TRPC4: variants seen among roughly 807,000 people sequenced by gnomAD.
The protein encoded by TRPC4 is short transient receptor potential channel 4.
In TRPC4, 49 loss-of-function variants were observed where a neutral mutation model predicts 99.4. That is an observed-to-expected ratio of 0.49 (90% CI 0.39 to 0.63). The LOEUF (loss-of-function observed/expected upper bound fraction) is 0.63, where lower values mean the gene tolerates loss of function less well. TRPC4 is among the 20% of genes least tolerant of loss of function. The pLI is 0.00. For missense variants in TRPC4, 898 were observed against 1,152.9 expected, an observed-to-expected ratio of 0.78 and a Z score of 3.20; for synonymous variants, 454 against 425.9, an observed-to-expected ratio of 1.07 and a Z score of -0.81.
intron 5 of TRPC4, among the ~76,000 whole-genome samples, chr13:37,665,840 C>CAAAAAA (rs1168472231): frequency 1.5e-4 from 11 of 70,978 alleles, no homozygotes; most frequent in Admixed American, 5.2e-4. Flanking sequence ...TCAGCTGAGA[C>CAAAAAA]AAAAAAAAAA....
At chr13:37,657,611 A>G (rs1481278216) in intron 6 of TRPC4, among the ~76,000 whole-genome samples, 1 of 152,224 alleles carries the variant, frequency 6.6e-6, no homozygotes, top group African/African-American at 2.4e-5. Context: ...GTTAAATATT[A>G]TAAGTTATAC....
chr13:37,850,316 C>T (rs1210397679), intron 1 of TRPC4, among the ~76,000 whole-genome samples: 2 of 152,088 alleles, frequency 1.3e-5, no homozygotes, highest in African/African-American at 4.8e-5. Context: ...AATGTTTTTG[C>T]TATTAAATAA....
At chr13:37,675,632 G>A (rs1182572289) in intron 4 of TRPC4, among the ~76,000 whole-genome samples, 1 of 152,198 alleles carries the variant, frequency 6.6e-6, no homozygotes, top group African/African-American at 2.4e-5. Context: ...TAGCCTTGTG[G>A]AAGAGACAGA....
chr13:37,673,144 G>A (rs982944278), intron 5 of TRPC4, among the ~76,000 whole-genome samples: 3 of 133,844 alleles, frequency 2.2e-5, no homozygotes, highest in Admixed American at 9.1e-5. Context: ...CCCACCCTGT[G>A]TCCACGTGTT....
chr13:37,818,416 A>G (rs1203572356), intron 1 of TRPC4, among the ~76,000 whole-genome samples: 2 of 152,156 alleles, frequency 1.3e-5, no homozygotes, highest in African/African-American at 4.8e-5. Context: ...ATCTAGAACC[A>G]GAAATACCAT....
chr13:37,765,587 G>A (rs1251943816), intron 2 of TRPC4, among the ~76,000 whole-genome samples: 2 of 151,238 alleles, frequency 1.3e-5, no homozygotes, highest in Non-Finnish European at 3.0e-5. Flanking sequence ...TAGAATTTTA[G>A]AGTGTATATT....
chr13:37,781,922 T>TA (rs34809306), intron 2 of TRPC4, among the ~76,000 whole-genome samples: 78,945 of 151,634 alleles, frequency 0.52, 21,092 homozygotes, highest in East Asian at 0.78. Context: ...AGCTTGCTTG[T>TA]AAAAAAAATG....
chr13:37,820,314 C>T (rs1294550916), intron 1 of TRPC4, among the ~76,000 whole-genome samples: 1 of 151,950 alleles, frequency 6.6e-6, no homozygotes, highest in Non-Finnish European at 1.5e-5. Context: ...ATCCTACCAA[C>T]CAGAACATGT....
At chr13:37,721,229 C>T (rs1566120604) in intron 3 of TRPC4, among the ~76,000 whole-genome samples, 1 of 152,002 alleles carries the variant, frequency 6.6e-6, no homozygotes, top group African/African-American at 2.4e-5. Context: ...TCTTTATTTC[C>T]TTCAATAATG....
In TRPC4 at chr13:37,745,947, C is replaced by T. The variant is rs770123359; in HGVS notation, c.887G>A (p.Arg296His). The change falls in exon 3 of 11, where the codon CGT becomes CAT. Residue 296 changes from arginine (R) to histidine (H), a missense_variant. This residue lies in a region of TRPC4 where 274 missense variants were observed against 454.9 expected (regional missense o/e 0.60). Coordinates refer to ENST00000379705, the MANE Select transcript of TRPC4 (RefSeq NM_016179.4). ...LARLKLAIKY[R>H]QKEFVAQPNC... is the part of the protein sequence containing the mutation. ...TCTGGCAACACTCACCTCTTTTTGACGGTACTTAATGGCCAATTTTAGTCT... is the reference window on the plus strand; with the variant it reads ...TCTGGCAACACTCACCTCTTTTTGATGGTACTTAATGGCCAATTTTAGTCT... 3.7e-6 allele frequency: 6 copies of T among 1,610,550 alleles called. No homozygotes were observed. The highest frequency in any genetic ancestry group is 5.1e-6 in the Non-Finnish European group (6 of 1,177,794).
At chr13:37,790,111 ACT>A (rs1423686527) in intron 1 of TRPC4, among the ~76,000 whole-genome samples, 2 of 152,096 alleles carry the variant, frequency 1.3e-5, no homozygotes, top group African/African-American at 2.4e-5. Flanking sequence ...TGGTCATGAA[ACT>A]CTCTCAGTTT....
intron 8 of TRPC4, among the ~76,000 whole-genome samples, chr13:37,646,834 T>C (rs531222839): frequency 1.3e-5 from 2 of 152,350 alleles, no homozygotes; most frequent in East Asian, 3.9e-4. Flanking sequence ...GTTTCTTATT[T>C]GGATAGGCTG....
intron 1 of TRPC4, among the ~76,000 whole-genome samples, chr13:37,850,370 A>G (rs1455948630): frequency 2.0e-5 from 3 of 152,250 alleles, no homozygotes; most frequent in Non-Finnish European, 4.4e-5. Flanking sequence ...AATTTGTGCC[A>G]GATTAATAGT....
chr13:37,663,302 A>T, intron 6 of TRPC4, 114 bp downstream of exon 6: 1 of 1,016,362 alleles, frequency 9.8e-7, no homozygotes, highest in Non-Finnish European at 1.4e-6. Context: ...CATTAAGCAC[A>T]ATTTTAGTTC....
At chr13:37,868,751 G>T (rs1959947625) in intron 1 of TRPC4, among the ~76,000 whole-genome samples, 3 of 152,086 alleles carry the variant, frequency 2.0e-5, no homozygotes, top group African/African-American at 7.2e-5. Context: ...TCACTGGGAA[G>T]GGCCTCTCTA....
intron 3 of TRPC4, among the ~76,000 whole-genome samples, chr13:37,738,145 G>A (rs1222583201): frequency 1.3e-5 from 2 of 152,098 alleles, no homozygotes; most frequent in African/African-American, 2.4e-5. Context: ...AGAAATAAAA[G>A]CTCTGAGAGT....
chr13:37,745,457 T>TATACGCATATATATATATATATATGC (rs1955720197), intron 3 of TRPC4, among the ~76,000 whole-genome samples: 5 of 8,046 alleles, frequency 6.2e-4, no homozygotes, highest in Middle Eastern at 0.033. Flanking sequence ...TATATATATA[T>TATACGCATATATATATATATATATGC]ATATATATAT....
At chr13:37,674,446 A>G (rs1593484452) in intron 4 of TRPC4, 79 bp from the exon 5 acceptor site, 1 of 1,473,330 alleles carries the variant, frequency 6.8e-7, no homozygotes, top group East Asian at 2.4e-5. Flanking sequence ...TAACAATTAT[A>G]GATCTCGAAG....
intron 4 of TRPC4, among the ~76,000 whole-genome samples, chr13:37,676,423 A>G (rs531884789): frequency 1.7e-4 from 26 of 150,108 alleles, no homozygotes; most frequent in African/African-American, 5.7e-4. Context: ...GCCAGGCTGG[A>G]GTGCAGTAGC....
Sources: gnomAD v4.1 joint callset for allele counts (sites outside exome capture counted in the v4.1 genomes callset) on GRCh38, gnomAD v4.1.1 for gene constraint, gnomAD v4.1.1 regional missense constraint, MANE v1.5 for transcripts, NCBI Gene and HGNC (gene_info 2026-07-23, HGNC 2026-07-21) for gene names.